ZC3H12B: variants seen among roughly 807,000 people sequenced by gnomAD.
ZC3H12B encodes zinc finger CCCH-type containing 12B, also known as probable ribonuclease ZC3H12B.
ZC3H12B carries 7 observed loss-of-function variants against 43.9 expected under a neutral mutation model. The ratio of observed to expected loss-of-function variants is 0.16; its 90% CI spans 0.09 to 0.30. ZC3H12B has a LOEUF of 0.30. ZC3H12B is among the 10% of genes least tolerant of loss of function. The probability of loss-of-function intolerance (pLI) is 1.00; values close to 1 mark genes in which losing one functional copy is unlikely to be tolerated. For synonymous variants in ZC3H12B, 222 were observed against 241.7 expected (o/e 0.92, Z 0.76); for missense variants, 475 against 670.2 (o/e 0.71, Z 3.22).
the ZC3H12B span, among the ~76,000 whole-genome samples, chrX:65,322,058 C>T: frequency 9.0e-6 from 1 of 111,451 alleles, no homozygotes; most frequent in Non-Finnish European, 1.9e-5. Context: ...TCAAAAACAG[C>T]AACAACAAGC....
chrX:65,234,977 A>T, the ZC3H12B span, among the ~76,000 whole-genome samples: 1 of 111,999 alleles, frequency 8.9e-6, no homozygotes, highest in South Asian at 3.7e-4. Context: ...TTTGCTGAGG[A>T]TAATGGCTTC....
At chrX:65,209,889 C>T in the ZC3H12B span, among the ~76,000 whole-genome samples, 1 of 97,541 alleles carries the variant, frequency 1.0e-5, no homozygotes, top group Admixed American at 1.1e-4. Flanking sequence ...AACTGGATCC[C>T]TTCCTTACAC....
At chrX:65,392,944 C>T (rs982364115) in intron 2 of ZC3H12B, among the ~76,000 whole-genome samples, 3 of 112,186 alleles carry the variant, frequency 2.7e-5, no homozygotes, top group African/African-American at 9.7e-5. Flanking sequence ...TATAACCTTA[C>T]CCCAACCCCG....
chrX:65,294,302 G>T, the ZC3H12B span, among the ~76,000 whole-genome samples: 17 of 111,512 alleles, frequency 1.5e-4, no homozygotes, highest in Non-Finnish European at 2.1e-4. Context: ...GAAAACAAAT[G>T]CTGAAAGAAT....
the ZC3H12B span, among the ~76,000 whole-genome samples, chrX:65,108,961 A>G: frequency 4.5e-5 from 5 of 111,584 alleles, no homozygotes; most frequent in Non-Finnish European, 7.5e-5. Context: ...AAACATGATT[A>G]TGTAATGCTG....
At chrX:65,053,304 A>T in the ZC3H12B span, among the ~76,000 whole-genome samples, 2 of 108,938 alleles carry the variant, frequency 1.8e-5, no homozygotes, top group African/African-American at 3.4e-5. Context: ...TCCCCTTCCC[A>T]TGTCCATGTG....
At chrX:65,331,561 T>A in the ZC3H12B span, among the ~76,000 whole-genome samples, 1 of 103,916 alleles carries the variant, frequency 9.6e-6, no homozygotes, top group Non-Finnish European at 1.9e-5. Flanking sequence ...TGTTTATTTA[T>A]TTATTTATTT....
At chrX:65,504,847 C>A (rs1361538613) in exon 5 of ZC3H12B, 1 of 112,683 alleles carries the variant, frequency 8.9e-6, no homozygotes, top group Non-Finnish European at 1.9e-5. Flanking sequence ...CTCTAGGAAA[C>A]AAAACCAGGG....
At chrX:65,119,051 G>C in the ZC3H12B span, among the ~76,000 whole-genome samples, 1 of 111,019 alleles carries the variant, frequency 9.0e-6, no homozygotes, top group Non-Finnish European at 1.9e-5. Context: ...ATCTATCATT[G>C]TTGGACATTT....
At chrX:65,118,360 G>C in the ZC3H12B span, among the ~76,000 whole-genome samples, 3 of 111,454 alleles carry the variant, frequency 2.7e-5, no homozygotes, top group African/African-American at 9.8e-5. Flanking sequence ...TTGGCTCTCT[G>C]TTTGTCTGTT....
chrX:65,166,215 C>T, the ZC3H12B span, among the ~76,000 whole-genome samples: 6 of 110,584 alleles, frequency 5.4e-5, no homozygotes, highest in African/African-American at 2.0e-4. Flanking sequence ...CCACGACAGG[C>T]CCCAGTGTGT....
the ZC3H12B span, among the ~76,000 whole-genome samples, chrX:65,258,171 C>G: frequency 9.0e-6 from 1 of 111,214 alleles, no homozygotes; most frequent in Non-Finnish European, 1.9e-5. Flanking sequence ...AACAGCACAT[C>G]AAAAAGTTAA....
the ZC3H12B span, among the ~76,000 whole-genome samples, chrX:65,318,007 T>C: frequency 2.8e-5 from 3 of 108,579 alleles, no homozygotes; most frequent in South Asian, 1.2e-3. Context: ...CTTTTTTGTA[T>C]AATGACTTCT....
chrX:65,406,217 G>T (rs764801472), intron 3 of ZC3H12B, among the ~76,000 whole-genome samples: 1 of 109,457 alleles, frequency 9.1e-6, no homozygotes, highest in East Asian at 2.9e-4. Flanking sequence ...CAATATCTCT[G>T]ATGAATATCG....
chrX:65,373,864 G>T (rs762497396), intron 2 of ZC3H12B, among the ~76,000 whole-genome samples: 1 of 32,583 alleles, frequency 3.1e-5, no homozygotes, highest in East Asian at 1.3e-3. Flanking sequence ...TACGCGTTCT[G>T]CACATGTACC....
chrX:65,221,310 A>T, the ZC3H12B span, among the ~76,000 whole-genome samples: 1 of 111,696 alleles, frequency 9.0e-6, no homozygotes. Context: ...AAACAAACCC[A>T]AATCTAGCAG....
At chrX:65,289,223 A>G in the ZC3H12B span, among the ~76,000 whole-genome samples, 2 of 111,223 alleles carry the variant, frequency 1.8e-5, no homozygotes, top group Non-Finnish European at 3.8e-5. Context: ...CATTATTCAC[A>G]ACGTTAGAAA....
chrX:65,419,695 C>T (rs937759975), intron 3 of ZC3H12B, among the ~76,000 whole-genome samples: 1 of 110,712 alleles, frequency 9.0e-6, no homozygotes, highest in Admixed American at 9.6e-5. Flanking sequence ...CCCTGGCCCA[C>T]TCCCATAGAC....
chrX:65,390,523 T>A (rs1282502574), intron 2 of ZC3H12B, among the ~76,000 whole-genome samples: 1 of 111,437 alleles, frequency 9.0e-6, no homozygotes. Context: ...CAGCAGGAGA[T>A]ATAGCAATTG....
Sources: gnomAD v4.1 joint callset for allele counts (sites outside exome capture counted in the v4.1 genomes callset) on GRCh38, gnomAD v4.1.1 for gene constraint, MANE v1.5 for transcripts, NCBI Gene and HGNC (gene_info 2026-07-23, HGNC 2026-07-21) for gene names.